The following PLCB4 variants were observed in gnomAD, a reference collection of about 807,000 sequenced individuals.
PLCB4 encodes the protein phospholipase C beta 4.
Under a neutral mutation model 178.8 loss-of-function variants are expected in PLCB4, and 77 were observed. The observed-to-expected ratio is 0.43, with a 90% CI of 0.36 to 0.52. The LOEUF (loss-of-function observed/expected upper bound fraction) is 0.52, where lower values mean the gene tolerates loss of function less well. PLCB4 is among the 20% of genes least tolerant of loss of function. PLCB4 has a pLI of 0.00. For missense variants in PLCB4, 1,024 were observed against 1,453.4 expected, an observed-to-expected ratio of 0.70 and a Z score of 4.80; for synonymous variants, 496 against 490.8, an observed-to-expected ratio of 1.01 and a Z score of -0.14.
rs569042212 is a variant in PLCB4 at position 9,263,925 on chromosome 20, A to G, written c.-15-43875A>G. On this transcript the variant is annotated intron_variant, in intron 3 of 39. Coordinates refer to ENST00000378473, the MANE Select transcript of PLCB4 (RefSeq NM_001377142.1). ...GCAAGTATCAGCAAGTTCATTTTTAATTAGTTATTACCTTGAGGTTACTTA... is the reference window on the plus strand; with the variant it reads ...GCAAGTATCAGCAAGTTCATTTTTAGTTAGTTATTACCTTGAGGTTACTTA... Among the ~76,000 whole-genome samples, 4 of 152,330 alleles carry G rather than the reference A, an allele frequency of 2.6e-5. No individual in the cohort carries two copies. The South Asian group carries it at 8.3e-4, about 32-fold the overall frequency.
chr20:9,240,019 T>C (rs760713192), intron 3 of PLCB4, among the ~76,000 whole-genome samples: 1 of 152,194 alleles, frequency 6.6e-6, no homozygotes, highest in African/African-American at 2.4e-5. Context: ...CTGCCCAGAT[T>C]GAGGGTGGGT....
chr20:9,137,312 G>A (rs960927149), intron 2 of PLCB4, among the ~76,000 whole-genome samples: 3 of 152,058 alleles, frequency 2.0e-5, no homozygotes, highest in Admixed American at 6.6e-5. Context: ...AGAATCAGAT[G>A]AAATGAAACA....
At chr20:9,363,427 G>C (rs1326985652) in intron 8 of PLCB4, among the ~76,000 whole-genome samples, 1 of 152,182 alleles carries the variant, frequency 6.6e-6, no homozygotes, top group Admixed American at 6.5e-5. Context: ...CAAGTGCAGT[G>C]CTCCTTGTTT....
At chr20:9,090,915 A>G (rs1031326175) in intron 1 of PLCB4, among the ~76,000 whole-genome samples, 2 of 152,216 alleles carry the variant, frequency 1.3e-5, no homozygotes, top group African/African-American at 4.8e-5. Flanking sequence ...ATTGCAATAT[A>G]CATGCAATTT....
At chr20:9,154,665 C>A (rs2092750169) in intron 2 of PLCB4, among the ~76,000 whole-genome samples, 1 of 152,138 alleles carries the variant, frequency 6.6e-6, no homozygotes, top group African/African-American at 2.4e-5. Flanking sequence ...TGTACCAGAT[C>A]TTAGCAGAGT....
At chr20:9,437,538 C>T (rs2041850699) in intron 30 of PLCB4, among the ~76,000 whole-genome samples, 1 of 152,204 alleles carries the variant, frequency 6.6e-6, no homozygotes, top group Non-Finnish European at 1.5e-5. Context: ...TCACGTGTCT[C>T]ATATTCAGCC....
intron 13 of PLCB4, among the ~76,000 whole-genome samples, chr20:9,382,961 A>G (rs1055489689): frequency 6.6e-6 from 1 of 152,168 alleles, no homozygotes; most frequent in Admixed American, 6.5e-5. Flanking sequence ...TGACCTAACT[A>G]TCCATCAACC....
intron 13 of PLCB4, among the ~76,000 whole-genome samples, chr20:9,381,415 G>A (rs1055241835): frequency 2.0e-5 from 3 of 152,080 alleles, no homozygotes; most frequent in Non-Finnish European, 2.9e-5. Context: ...AGGGCTGACC[G>A]GGTGCCAAGC....
rs768205786 is a variant in PLCB4 at position 9,473,322 on chromosome 20, T to G, written c.3452T>G (p.Val1151Gly). Residue 1151 changes from valine to glycine, a missense_variant, in exon 38 of 40, where the codon GTC becomes GGC. Transcript: ENST00000378473. ...QSKEMDQLKK[V>G]QLEHLEFLEK... ...AAAGAAATGGATCAGTTGAAAAAAG[T>G]CCAGCTTGAACATCTAGAATTCCTA... The G allele has an allele frequency of 1.2e-6, 2 of 1,600,196 alleles. No individual in the cohort carries two copies. The highest frequency in any genetic ancestry group is 3.4e-5 in the Admixed American group (2 of 58,728).
intron 3 of PLCB4, among the ~76,000 whole-genome samples, chr20:9,224,702 T>C (rs2093841941): frequency 6.6e-6 from 1 of 152,194 alleles, no homozygotes; most frequent in African/African-American, 2.4e-5. Flanking sequence ...TCCTTTGCTC[T>C]GTCTCTTGCT....
chr20:9,468,139 A>G (rs1161876862), intron 35 of PLCB4, among the ~76,000 whole-genome samples: 1 of 152,136 alleles, frequency 6.6e-6, no homozygotes, highest in Non-Finnish European at 1.5e-5. Context: ...CTTTATATTT[A>G]TGGGCAAAAA....
chr20:9,155,952 G>C (rs2092780913), intron 2 of PLCB4, among the ~76,000 whole-genome samples: 1 of 152,198 alleles, frequency 6.6e-6, no homozygotes, highest in African/African-American at 2.4e-5. Flanking sequence ...AGTGAGGAGA[G>C]AGTGTTTTGA....
At chr20:9,200,410 T>G (rs1280434636) in intron 2 of PLCB4, among the ~76,000 whole-genome samples, 1 of 152,222 alleles carries the variant, frequency 6.6e-6, no homozygotes, top group African/African-American at 2.4e-5. Flanking sequence ...TCATTCAGAC[T>G]CTTGCAGTAG....
chr20:9,432,325 T>C (rs1290909368), intron 28 of PLCB4, among the ~76,000 whole-genome samples: 1 of 152,216 alleles, frequency 6.6e-6, no homozygotes, highest in Non-Finnish European at 1.5e-5. Context: ...TAAAGTATTA[T>C]CTGTTATTCC....
Position 9,338,011 on chromosome 20 carries a change from G to A in PLCB4, c.169G>A (p.Gly57Arg). 6.2e-7 allele frequency: 1 copy of A among 1,610,154 alleles called. No individual in the cohort carries two copies. The highest frequency in any genetic ancestry group is 8.5e-7 in the Non-Finnish European group (1 of 1,176,618). Residue 57 changes from glycine to arginine, a missense_variant, in exon 6 of 40, where the codon GGA becomes AGA. Gly to Arg is a moderately radical substitution (Grantham distance 125, BLOSUM62 -2). Transcript: ENST00000378473. The stretch of plus-strand genomic sequence containing the variant: ...GTGTTGTATTCTCTCTCTTCAGGAA[G>A]GACAGGTGCTAGAATGCTCCCTCAT... ...FLTWRSEGKE[G>R]QVLECSLINS...
chr20:9,194,030 C>T (rs1190748277), intron 2 of PLCB4, among the ~76,000 whole-genome samples: 2 of 151,902 alleles, frequency 1.3e-5, no homozygotes, highest in African/African-American at 2.4e-5. Flanking sequence ...TGGAAGCTAT[C>T]ACTCTTTTTA....
chr20:9,338,836 T>C lies in PLCB4; in HGVS notation c.226-58T>C, dbSNP rs1055959061. On this transcript the variant is annotated intron_variant, in intron 6 of 39. Transcript: ENST00000378473. ...ATGTGGTTTCTTTTTACCACGTTTC[T>C]TCCTCCATGCTCTGTGATGTAACTT... 3.7e-6 allele frequency: 5 copies of C among 1,352,446 alleles called. No homozygotes were observed. In the Admixed American group the frequency reaches 6.3e-5, roughly 17 times the overall value. The allele number at this position is 1,352,446 out of a possible 1,614,324, so 83.8% of individuals were successfully genotyped here.
chr20:9,168,266 C>T (rs2147021109), intron 2 of PLCB4, among the ~76,000 whole-genome samples: 1 of 152,292 alleles, frequency 6.6e-6, no homozygotes, highest in Admixed American at 6.5e-5. Context: ...TTATCTTATA[C>T]AGATGGAGGC....
chr20:9,323,901 G>C (rs973542711), intron 4 of PLCB4, among the ~76,000 whole-genome samples: 5 of 152,138 alleles, frequency 3.3e-5, no homozygotes, highest in African/African-American at 1.2e-4. Context: ...TTCCTCCCCA[G>C]TTCTCCCTGC....
Sources: allele counts gnomAD v4.1 joint callset (sites outside exome capture counted in the v4.1 genomes callset), GRCh38; gene constraint gnomAD v4.1.1; transcripts MANE v1.5; gene names NCBI Gene and HGNC (gene_info 2026-07-23, HGNC 2026-07-21).